Variants in ELAVL4 observed in about 807,000 individuals in gnomAD.
ELAVL4 encodes ELAV-like protein 4.
A neutral mutation model predicts 35.6 loss-of-function variants in ELAVL4; 1 was observed. The ratio of observed to expected loss-of-function variants is 0.03; its 90% CI spans 0.01 to 0.13. The LOEUF is 0.13. ELAVL4 is among the 10% of genes least tolerant of loss of function. The pLI is 1.00. For missense variants in ELAVL4, 267 were observed against 464.9 expected (o/e 0.57, Z 3.91); for synonymous variants, 156 against 171.0 (o/e 0.91, Z 0.69).
intron 1 of ELAVL4, among the ~76,000 whole-genome samples, chr1:50,119,340 A>T (rs1668633525): frequency 6.6e-6 from 1 of 152,030 alleles, no homozygotes; most frequent in Non-Finnish European, 1.5e-5. Flanking sequence ...GGTATAGAAG[A>T]TGTTTGTCCA....
chr1:50,191,289 G>C (rs1682624914), intron 3 of ELAVL4, among the ~76,000 whole-genome samples: 1 of 152,134 alleles, frequency 6.6e-6, no homozygotes, highest in Non-Finnish European at 1.5e-5. Context: ...GTGAGGTCTA[G>C]TCCTAGAACA....
chr1:50,178,503 T>G (rs1680468973), intron 3 of ELAVL4, among the ~76,000 whole-genome samples: 1 of 152,200 alleles, frequency 6.6e-6, no homozygotes, highest in African/African-American at 2.4e-5. Context: ...TGAGTTTAGC[T>G]TATTTCTAAA....
At chr1:50,171,560 A>G (rs1371542541) in intron 2 of ELAVL4, among the ~76,000 whole-genome samples, 2 of 152,224 alleles carry the variant, frequency 1.3e-5, no homozygotes, top group Non-Finnish European at 2.9e-5. Context: ...TAGGCACTGA[A>G]TAAATTGTAG....
At chr1:50,143,743 C>G (rs141650186) in intron 1 of ELAVL4, among the ~76,000 whole-genome samples, 1 of 151,932 alleles carries the variant, frequency 6.6e-6, no homozygotes, top group Non-Finnish European at 1.5e-5. Context: ...TGGAAAGTTG[C>G]GAATTATGGG....
chr1:50,071,811 A>G (rs1204243194), intron 1 of ELAVL4, among the ~76,000 whole-genome samples: 2 of 152,144 alleles, frequency 1.3e-5, no homozygotes, highest in Non-Finnish European at 2.9e-5. Context: ...TGAGGCCCAT[A>G]GGTGGAGAAA....
upstream of ELAVL4, among the ~76,000 whole-genome samples, chr1:50,101,410 A>G (rs917211913): frequency 6.6e-6 from 1 of 152,234 alleles, no homozygotes; most frequent in African/African-American, 2.4e-5. Flanking sequence ...TGATTATAAT[A>G]ATAGATTAAA....
intron 1 of ELAVL4, chr1:50,114,852 G>A (rs190217639): frequency 8.5e-5 from 13 of 152,050 alleles, no homozygotes; most frequent in African/African-American, 3.1e-4. Context: ...TGAGCAGTTT[G>A]GAAATGGAAT....
intron 6 of ELAVL4, chr1:50,197,711 A>C (rs1277511650): frequency 2.4e-6 from 1 of 415,390 alleles, no homozygotes; most frequent in African/African-American, 2.1e-5. Flanking sequence ...CCTATGGTTC[A>C]GGTGCCACAG....
intron 1 of ELAVL4, among the ~76,000 whole-genome samples, chr1:50,086,772 A>G (rs1253168177): frequency 6.6e-6 from 1 of 151,870 alleles, no homozygotes; most frequent in African/African-American, 2.4e-5. Flanking sequence ...CTCCACCCCC[A>G]GATAATTGGA....
intron 3 of ELAVL4, among the ~76,000 whole-genome samples, chr1:50,191,939 T>C (rs1408138504): frequency 2.0e-5 from 3 of 152,214 alleles, no homozygotes; most frequent in Non-Finnish European, 2.9e-5. Flanking sequence ...TGTTTTTATT[T>C]CCTTCTTCCA....
At chr1:50,143,395 T>C (rs1300622010) in intron 1 of ELAVL4, among the ~76,000 whole-genome samples, 1 of 152,222 alleles carries the variant, frequency 6.6e-6, no homozygotes, top group Non-Finnish European at 1.5e-5. Flanking sequence ...AGAATATGCT[T>C]CATTGCCTTC....
At chr1:50,055,285 G>GT (rs1663596971) in intron 1 of ELAVL4, among the ~76,000 whole-genome samples, 1 of 149,306 alleles carries the variant, frequency 6.7e-6, no homozygotes. Flanking sequence ...TTTTTTTTTT[G>GT]TTTTGTTTTT....
chr1:50,199,144 G>A (rs959272001), intron 6 of ELAVL4, among the ~76,000 whole-genome samples: 1 of 152,216 alleles, frequency 6.6e-6, no homozygotes, highest in Non-Finnish European at 1.5e-5. Context: ...CAAGAGGGAA[G>A]ATTGACTTAG....
At chr1:50,058,314 A>G (rs1031334188) in intron 1 of ELAVL4, among the ~76,000 whole-genome samples, 1 of 152,216 alleles carries the variant, frequency 6.6e-6, no homozygotes. Context: ...ATAACCATGG[A>G]GCACTAGATT....
At chr1:50,181,321 C>G (rs1680988030) in intron 3 of ELAVL4, 1 of 152,230 alleles carries the variant, frequency 6.6e-6, no homozygotes, top group Non-Finnish European at 1.5e-5. Flanking sequence ...CCTCCAGGTT[C>G]TTTAGTAAAC....
intron 3 of ELAVL4, among the ~76,000 whole-genome samples, chr1:50,178,697 A>G (rs756605570): frequency 6.6e-6 from 1 of 152,166 alleles, no homozygotes; most frequent in African/African-American, 2.4e-5. Context: ...CTTTCAAAGT[A>G]AAAACATACC....
At chr1:50,166,209 G>T (rs1375903113) in intron 2 of ELAVL4, among the ~76,000 whole-genome samples, 1 of 151,942 alleles carries the variant, frequency 6.6e-6, no homozygotes, top group Non-Finnish European at 1.5e-5. Context: ...ACCATCACAG[G>T]TCCACCCCTT....
At chr1:50,200,786 A>C (rs758430994) in intron 6 of ELAVL4, 65 bp from the exon 7 acceptor site, 1 of 1,576,412 alleles carries the variant, frequency 6.3e-7, no homozygotes. Context: ...GTGTCTGTGC[A>C]TCTGTGTGTT....
At chr1:50,163,288 A>T (rs1677123711) in intron 2 of ELAVL4, among the ~76,000 whole-genome samples, 1 of 152,194 alleles carries the variant, frequency 6.6e-6, no homozygotes, top group Non-Finnish European at 1.5e-5. Context: ...TATCACTGAT[A>T]ATTCATGAGT....
Sources: allele counts gnomAD v4.1 joint callset (sites outside exome capture counted in the v4.1 genomes callset), GRCh38; gene constraint gnomAD v4.1.1; transcripts MANE v1.5; gene names NCBI Gene and HGNC (gene_info 2026-07-23, HGNC 2026-07-21).